SNX29: variants seen among roughly 807,000 people sequenced by gnomAD.
The protein encoded by SNX29 is sorting nexin-29.
Under a neutral mutation model 102.1 loss-of-function variants are expected in SNX29, and 78 were observed. That is an observed-to-expected ratio of 0.76 (90% CI 0.64 to 0.92). The LOEUF is 0.92. Among genes scored for constraint, SNX29 ranks in the 40% least tolerant of loss-of-function variants. The pLI, the probability that SNX29 is intolerant of heterozygous loss-of-function variation, is 0.00. For synonymous variants in SNX29, 580 were observed against 414.5 expected (o/e 1.40, Z -4.85); for missense variants, 1,280 against 1,061.7 (o/e 1.21, Z -2.86).
In SNX29 at chr16:12,052,214, G is replaced by C; in HGVS notation, c.1116G>C (p.Ser372=). 6.2e-7 allele frequency: 1 copy of C among 1,613,778 alleles called. No individual in the cohort carries two copies. The highest frequency in any genetic ancestry group is 8.5e-7 in the Non-Finnish European group (1 of 1,179,820). ...GGAAGCACAGGGGCCACTCGGAGTC[G>C]CCCGAGAAGTAAGTTTGTGTGTAAG... ...SGRKHRGHSE[S]PEKPLEGNTC... The change falls in exon 8 of 21, where the codon TCG becomes TCC. Residue 372 remains serine (S), a synonymous_variant. Coordinates refer to ENST00000566228, the MANE Select transcript of SNX29 (RefSeq NM_032167.5).
chr16:12,299,215 G>A (rs1200835377), intron 15 of SNX29, among the ~76,000 whole-genome samples: 3 of 151,978 alleles, frequency 2.0e-5, no homozygotes, highest in East Asian at 3.9e-4. Flanking sequence ...CAGGAGAATC[G>A]CTGGCACCCA....
chr16:12,508,178 G>A (rs1200209576), intron 19 of SNX29, among the ~76,000 whole-genome samples: 2 of 152,204 alleles, frequency 1.3e-5, no homozygotes, highest in Non-Finnish European at 2.9e-5. Flanking sequence ...GGGCTGTGGC[G>A]GGTGGCTATT....
chr16:12,052,278 G>A (rs536493551), intron 8 of SNX29, 56 bp downstream of exon 8: 26 of 1,593,280 alleles, frequency 1.6e-5, no homozygotes, highest in African/African-American at 8.1e-5. Flanking sequence ...GTGCCGTGGC[G>A]TGATCTCAGC....
chr16:12,416,786 G>A (rs4781232), intron 18 of SNX29, among the ~76,000 whole-genome samples: 85,326 of 151,844 alleles, frequency 0.56, 24,507 homozygotes, highest in Non-Finnish European at 0.63. Flanking sequence ...CCCTCACATG[G>A]ACTAACAGAA....
chr16:12,553,224 G>A (rs1039209526), intron 20 of SNX29, among the ~76,000 whole-genome samples: 2 of 152,158 alleles, frequency 1.3e-5, no homozygotes, highest in East Asian at 1.9e-4. Flanking sequence ...CTCGCAGATG[G>A]GGACTTGAGA....
chr16:12,153,549 C>G (rs909674677), intron 13 of SNX29, among the ~76,000 whole-genome samples: 1 of 151,982 alleles, frequency 6.6e-6, no homozygotes, highest in Non-Finnish European at 1.5e-5. Context: ...CCTCACCTCA[C>G]TGCAGCCTCT....
rs573543821 is a variant in SNX29 at position 12,566,331 on chromosome 16, A to T, written c.2319-2175A>T. ...AGCTATGTCCTCTCCCTACCCCTTC[A>T]TAACAGTCACCCCACCGACTGCTAC... is the stretch of plus-strand genomic sequence containing the variant. On this transcript the variant is annotated intron_variant, in intron 20 of 20. Transcript: ENST00000566228. 1.4e-4 allele frequency among the ~76,000 whole-genome samples: 21 copies of T among 152,270 alleles called. No homozygotes were observed. In the South Asian group the frequency reaches 3.5e-3, roughly 26 times the overall value.
chr16:12,123,656 C>T (rs543830383), intron 11 of SNX29, among the ~76,000 whole-genome samples: 9 of 152,262 alleles, frequency 5.9e-5, no homozygotes, highest in Admixed American at 4.6e-4. Flanking sequence ...GTGGGTACAG[C>T]CAGCGGCCCC....
At chr16:12,020,621 G>A (rs2056988956) in intron 3 of SNX29, among the ~76,000 whole-genome samples, 1 of 151,386 alleles carries the variant, frequency 6.6e-6, no homozygotes, top group African/African-American at 2.4e-5. Flanking sequence ...TATAGCTCAT[G>A]GCTCATTTTT....
At chr16:12,563,187 CCA>C (rs567528574) in intron 20 of SNX29, among the ~76,000 whole-genome samples, 102 of 106,652 alleles carry the variant, frequency 9.6e-4, no homozygotes, top group African/African-American at 3.6e-3. Context: ...ATGTCACTTC[CCA>C]CAGTCAACAT....
At position 12,213,169 on chromosome 16, in the gene SNX29, T is replaced by A. The variant is rs1173779306; in HGVS notation, c.1678+13486T>A. ...AACTACTCGGACATAAAGAATGGAA[T>A]ACTGTCTTTTGCAGCCACTTGGATG... On this transcript the variant is annotated intron_variant, in intron 14 of 20. Coordinates refer to ENST00000566228, the MANE Select transcript of SNX29 (RefSeq NM_032167.5). Among the ~76,000 whole-genome samples the A allele has an allele frequency of 2.0e-5, 3 of 152,248 alleles. No homozygotes were observed. The East Asian group carries it at 5.8e-4, about 29-fold the overall frequency.
At chr16:12,249,269 G>C (rs148230197) in intron 14 of SNX29, among the ~76,000 whole-genome samples, 1 of 152,322 alleles carries the variant, frequency 6.6e-6, no homozygotes, top group East Asian at 1.9e-4. Context: ...CTTGGCTCTG[G>C]CTGCTGGCCG....
intron 19 of SNX29, among the ~76,000 whole-genome samples, chr16:12,496,591 A>G (rs749972934): frequency 3.4e-5 from 5 of 146,254 alleles, no homozygotes; most frequent in South Asian, 4.3e-4. Context: ...GTTCACTGCA[A>G]CCTCTGCCTC....
intron 19 of SNX29, among the ~76,000 whole-genome samples, chr16:12,524,385 A>G (rs1013899461): frequency 2.6e-5 from 4 of 151,734 alleles, no homozygotes; most frequent in Non-Finnish European, 5.9e-5. Context: ...CAGTGTGTTC[A>G]TTGTTCTACC....
chr16:11,996,723 G>C (rs1284924443), intron 1 of SNX29, among the ~76,000 whole-genome samples: 2 of 152,150 alleles, frequency 1.3e-5, no homozygotes, highest in Admixed American at 1.3e-4. Context: ...TGGTGTTAGG[G>C]AGGGAAGATC....
chr16:12,036,689 T>TG (rs1567550775), intron 4 of SNX29, among the ~76,000 whole-genome samples: 1 of 152,116 alleles, frequency 6.6e-6, no homozygotes, highest in East Asian at 1.9e-4. Context: ...TTGTTTGTTT[T>TG]GGGGCAGTGT....
At chr16:12,194,078 G>A (rs983453933) in intron 13 of SNX29, among the ~76,000 whole-genome samples, 10 of 152,088 alleles carry the variant, frequency 6.6e-5, no homozygotes, top group African/African-American at 2.4e-4. Context: ...ATCAATTTTG[G>A]GGAAATTGAC....
intron 16 of SNX29, among the ~76,000 whole-genome samples, chr16:12,363,967 G>A (rs2082377814): frequency 6.6e-6 from 1 of 152,214 alleles, no homozygotes; most frequent in Non-Finnish European, 1.5e-5. Context: ...TTTAGGATTA[G>A]GAATGCTTAA....
rs9938460 is a variant in SNX29, at chr16:12,027,010, C to T, written c.123-310C>T. ...CTGAACTGATTGGTTTTTAACTTTT[C>T]CCCCCTCTGCACCCCCGCCAGCTGG... On this transcript the variant is annotated intron_variant, in intron 3 of 20. Transcript: ENST00000566228. Among the ~76,000 whole-genome samples, 782 of 152,204 alleles carry T rather than the reference C, an allele frequency of 5.1e-3. 4 individuals carry two copies. The highest frequency in any genetic ancestry group is 0.018 in the African/African-American group (752 of 41,480).
Sources: allele counts gnomAD v4.1 joint callset (sites outside exome capture counted in the v4.1 genomes callset), GRCh38; gene constraint gnomAD v4.1.1; transcripts MANE v1.5; gene names NCBI Gene and HGNC (gene_info 2026-07-23, HGNC 2026-07-21).